DCAF12: variants seen among roughly 807,000 people sequenced by gnomAD.
DCAF12 encodes DDB1- and CUL4-associated factor 12.
Under a neutral mutation model 52.8 loss-of-function variants are expected in DCAF12, and 28 were observed. The ratio of observed to expected loss-of-function variants is 0.53; its 90% CI spans 0.39 to 0.73. DCAF12 has a LOEUF of 0.73. DCAF12 is among the 30% of genes least tolerant of loss of function. DCAF12 has a pLI of 0.00. For missense variants in DCAF12, 425 were observed against 552.2 expected, an observed-to-expected ratio of 0.77 and a Z score of 2.31; for synonymous variants, 196 against 215.5, an observed-to-expected ratio of 0.91 and a Z score of 0.79.
At chr9:34,116,968 G>T (rs949626914) in intron 2 of DCAF12, among the ~76,000 whole-genome samples, 3 of 152,206 alleles carry the variant, frequency 2.0e-5, no homozygotes, top group African/African-American at 7.2e-5. Context: ...AATAGCGCGA[G>T]ACTCCGTCTC....
rs147332697 is a variant in DCAF12 at position 34,106,453 on chromosome 9, G to A, written c.582C>T (p.Ser194=). 9.9e-4 allele frequency: 1,595 copies of A among 1,609,936 alleles called. 2 individuals carry two copies. Among genetic ancestry groups the A allele is most frequent in the Middle Eastern group, 3.0e-3 (18 of 6,054 alleles). ...KDWIFSIAWI[S]DTMAVSGSRD... ...CTTTACCAGACACTGCCATAGTGTC[G>A]CTGATCCATGCGATGGAAAAGATCC... is the stretch of plus-strand genomic sequence containing the variant. The change falls in exon 4 of 9, where the codon AGC becomes AGT. Residue 194 remains serine, a synonymous_variant. Transcript: ENST00000361264.
intron 7 of DCAF12, among the ~76,000 whole-genome samples, chr9:34,091,969 A>G (rs1325200586): frequency 1.3e-5 from 2 of 152,150 alleles, no homozygotes; most frequent in African/African-American, 4.8e-5. Context: ...TGCTTCCCAC[A>G]GGGTTCTTGG....
intron 7 of DCAF12, 67 bp downstream of exon 7, chr9:34,093,219 A>C: frequency 6.3e-7 from 1 of 1,586,362 alleles, no homozygotes. Context: ...AAACCAACAA[A>C]GAAACTGAAA....
Position 34,088,412 on chromosome 9 carries a change from A to G in DCAF12, c.1300T>C (p.Phe434Leu), listed in dbSNP as rs1046527385. ...HCYDSSGTKL[F>L]VAGGPLPSGL... is the part of the protein sequence containing the mutation. ...GAAGGGAGGGGACCTCCTGCCACAAAGAGTTTCGTTCCAGACGAGTCGTAG... is the reference window on the plus strand; with the variant it reads ...GAAGGGAGGGGACCTCCTGCCACAAGGAGTTTCGTTCCAGACGAGTCGTAG... Residue 434 changes from phenylalanine (F) to leucine (L), a missense_variant, in exon 9 of 9, where the codon TTT becomes CTT. Phe to Leu is a conservative substitution (Grantham distance 22). Transcript: ENST00000361264. 1.9e-6 allele frequency: 3 copies of G among 1,613,806 alleles called. No homozygotes were observed. Among genetic ancestry groups the G allele is most frequent in the Non-Finnish European group, 2.5e-6 (3 of 1,179,924 alleles).
At chr9:34,089,345 TGA>T (rs1159130602) in intron 8 of DCAF12, 65 bp downstream of exon 8, 4 of 1,486,530 alleles carry the variant, frequency 2.7e-6, no homozygotes, top group East Asian at 2.3e-5. Flanking sequence ...CAGTGGGGGC[TGA>T]GAGATAGAGG....
chr9:34,123,423 T>C (rs1370563948), intron 2 of DCAF12, among the ~76,000 whole-genome samples: 1 of 152,220 alleles, frequency 6.6e-6, no homozygotes, highest in Non-Finnish European at 1.5e-5. Flanking sequence ...CACTCCCATT[T>C]TGCAGATGCA....
In DCAF12 at chr9:34,124,877, G is replaced by T. The variant is rs1409286446; in HGVS notation, c.333+146C>A. The stretch of plus-strand genomic sequence containing the variant: ...GAAAAAAGGAACACGAAAAGAGGAA[G>T]AAGTCACCAACGGGAAAGAATGGAA... On this transcript the variant is annotated intron_variant, in intron 2 of 8. Transcript: ENST00000361264. 3.0e-6 allele frequency: 3 copies of T among 1,012,706 alleles called. No homozygotes were observed. The African/African-American group carries it at 4.8e-5, about 16-fold the overall frequency. The allele number at this position is 1,012,706 out of a possible 1,614,324, so 62.7% of individuals were successfully genotyped here. A position where few individuals can be genotyped will look rare whatever the true frequency, so the allele number is the denominator to read the frequency against.
chr9:34,095,023 A>G (rs924670827), intron 6 of DCAF12, among the ~76,000 whole-genome samples: 1 of 152,142 alleles, frequency 6.6e-6, no homozygotes, highest in African/African-American at 2.4e-5. Context: ...AAGGTGTCCC[A>G]TGTGAAATTT....
chr9:34,118,267 G>A (rs559141816), intron 2 of DCAF12, among the ~76,000 whole-genome samples: 23 of 152,160 alleles, frequency 1.5e-4, no homozygotes, highest in African/African-American at 5.3e-4. Flanking sequence ...CCGAGTAGCC[G>A]GGACCACAGG....
chr9:34,118,946 C>G (rs377324945), intron 2 of DCAF12, among the ~76,000 whole-genome samples: 45 of 152,244 alleles, frequency 3.0e-4, no homozygotes, highest in African/African-American at 1.0e-3. Flanking sequence ...GCCTGGGCAA[C>G]AGAGTAAGAC....
At chr9:34,115,573 T>C (rs945996954) in intron 2 of DCAF12, among the ~76,000 whole-genome samples, 1 of 147,122 alleles carries the variant, frequency 6.8e-6, no homozygotes, top group Non-Finnish European at 1.5e-5. Flanking sequence ...CACTCCAGCC[T>C]GGCGACAGAG....
In DCAF12 at chr9:34,119,947, T is replaced by C. The variant is rs541261459; in HGVS notation, c.333+5076A>G. Among the ~76,000 whole-genome samples, 6 of 151,990 alleles carry C rather than the reference T, an allele frequency of 3.9e-5. No individual in the cohort carries two copies. The South Asian group carries it at 1.2e-3, about 32-fold the overall frequency. On this transcript the variant is annotated intron_variant, in intron 2 of 8. Coordinates refer to ENST00000361264, the MANE Select transcript of DCAF12 (RefSeq NM_015397.4). Reference sequence around the variant, plus strand: ...GTCTTGAATCTCTGGGCTCAAGTGATCTTCCTGTCTCAGCTTCCCAAAGTG... The same window carrying C: ...GTCTTGAATCTCTGGGCTCAAGTGACCTTCCTGTCTCAGCTTCCCAAAGTG...
intron 6 of DCAF12, among the ~76,000 whole-genome samples, chr9:34,095,230 A>C (rs1201433000): frequency 1.3e-5 from 2 of 151,240 alleles, no homozygotes; most frequent in African/African-American, 4.9e-5. Flanking sequence ...GCCCACCACC[A>C]CGCCCAGCTA....
In DCAF12 at chr9:34,111,433, A is replaced by G. The variant is rs141991771; in HGVS notation, c.334-3868T>C. ...TCCCTCTACCCACAACACTTAGACC[A>G]TATCGCACTGATTTAAAATATTTAC... On this transcript the variant is annotated intron_variant, in intron 2 of 8. Transcript: ENST00000361264. Among the ~76,000 whole-genome samples the G allele has an allele frequency of 4.7e-3, 710 of 152,332 alleles. 2 individuals are homozygous for G. Among genetic ancestry groups the G allele is most frequent in the Middle Eastern group, 0.014 (4 of 294 alleles).
chr9:34,123,847 C>G (rs1389815663), intron 2 of DCAF12, among the ~76,000 whole-genome samples: 4 of 152,006 alleles, frequency 2.6e-5, no homozygotes, highest in African/African-American at 9.7e-5. Context: ...CACGAGTGGG[C>G]AGCTGGAGAG....
intron 2 of DCAF12, among the ~76,000 whole-genome samples, chr9:34,115,191 G>T (rs61554557): frequency 0.13 from 19,924 of 151,858 alleles, 1,571 homozygotes; most frequent in South Asian, 0.31. Flanking sequence ...CAAAGCAGAA[G>T]AATCTATTCA....
intron 6 of DCAF12, among the ~76,000 whole-genome samples, chr9:34,095,306 C>T (rs1828717966): frequency 6.6e-6 from 1 of 150,742 alleles, no homozygotes; most frequent in Non-Finnish European, 1.5e-5. Flanking sequence ...ATCTCTTGAC[C>T]TCATGATCCA....
chr9:34,109,373 G>A (rs1365270320), intron 2 of DCAF12: 1 of 201,704 alleles, frequency 5.0e-6, no homozygotes, highest in African/African-American at 2.3e-5. Context: ...GCTCCTAGAT[G>A]GCTGTGTTGT....
intron 2 of DCAF12, among the ~76,000 whole-genome samples, chr9:34,119,949 T>C (rs1829145679): frequency 6.6e-6 from 1 of 151,968 alleles, no homozygotes; most frequent in Admixed American, 6.6e-5. Flanking sequence ...TCAAGTGATC[T>C]TCCTGTCTCA....
Sources: allele counts gnomAD v4.1 joint callset (sites outside exome capture counted in the v4.1 genomes callset), GRCh38; gene constraint gnomAD v4.1.1; transcripts MANE v1.5; gene names NCBI Gene and HGNC (gene_info 2026-07-23, HGNC 2026-07-21).